ATF3: variants seen among roughly 807,000 people sequenced by gnomAD.
ATF3 encodes cyclic AMP-dependent transcription factor ATF-3.
Under a neutral mutation model 18.4 loss-of-function variants are expected in ATF3, and 10 were observed. The ratio of observed to expected loss-of-function variants is 0.54; its 90% confidence interval spans 0.34 to 0.92. The LOEUF is 0.92. Among genes scored for constraint, ATF3 ranks in the 40% least tolerant of loss-of-function variants. The pLI is 0.02. For missense variants in ATF3, 183 were observed against 222.3 expected (o/e 0.82, Z 1.12); for synonymous variants, 78 against 87.9 (o/e 0.89, Z 0.63).
intron 1 of ATF3, among the ~76,000 whole-genome samples, chr1:212,567,760 G>A (rs1462539248): frequency 6.6e-6 from 1 of 152,146 alleles, no homozygotes; most frequent in Non-Finnish European, 1.5e-5. Context: ...TTAAAGATGG[G>A]GGCAGAAGCC....
upstream of ATF3, among the ~76,000 whole-genome samples, chr1:212,605,613 A>C (rs1438950521): frequency 6.6e-6 from 1 of 152,240 alleles, no homozygotes; most frequent in Non-Finnish European, 1.5e-5. Flanking sequence ...TAGAACCTTT[A>C]AATATCTCAA....
chr1:212,619,020 C>T lies in ATF3; in HGVS notation c.349-338C>T, dbSNP rs1487829379. The T allele has an allele frequency of 6.2e-7, 1 of 1,613,924 alleles. No homozygotes were observed. Among genetic ancestry groups the T allele is most frequent in the Non-Finnish European group, 8.5e-7 (1 of 1,179,960 alleles). On this transcript the variant is annotated intron_variant, in intron 3 of 3. Coordinates refer to ENST00000341491, the MANE Select transcript of ATF3 (RefSeq NM_001674.4). The surrounding 1 kb of genome is among the most constrained non-coding windows in gnomAD (Gnocchi z 4.4). ...ATCTGTGACTCAGAATCGACTAAGC[C>T]ACCATAAGTCTGGATTTCTCCCCAG...
chr1:212,606,832 TC>T (rs1287899299), upstream of ATF3, among the ~76,000 whole-genome samples: 2 of 151,826 alleles, frequency 1.3e-5, no homozygotes, highest in Admixed American at 1.3e-4. Context: ...GCCGGGCTGC[TC>T]CGACACGCCC....
rs574850334 is a variant in ATF3 at position 212,589,568 on chromosome 1, G to A, written c.-5+24085G>A. ...AGTCCAAAGAGCACCTGTAATCCCA[G>A]CCATTTGGGAGGCTGAGGCAGGAGA... On this transcript the variant is annotated intron_variant, in intron 1 of 3. Coordinates refer to the ATF3 transcript ENST00000366981. Among the ~76,000 whole-genome samples, 7 of 152,196 alleles carry A rather than the reference G, an allele frequency of 4.6e-5. No homozygotes were observed. The East Asian group carries it at 1.4e-3, about 29-fold the overall frequency.
rs144131191 is a variant in ATF3 at position 212,597,130 on chromosome 1, G to A, written c.-4-17888G>A. Among the ~76,000 whole-genome samples the A allele has an allele frequency of 3.9e-5, 6 of 152,310 alleles. No homozygotes were observed. In the Middle Eastern group the frequency reaches 0.01, roughly 259 times the overall value. ...AGAAAGAGGTGGTTTGTCCAGCAAG[G>A]CATGTCCAACACAGACAGAGACAAT... is the stretch of plus-strand genomic sequence containing the variant. On this transcript the variant is annotated intron_variant, in intron 1 of 3. Coordinates refer to the ATF3 transcript ENST00000366981.
At chr1:212,604,529 A>G (rs1049348029), upstream of ATF3, among the ~76,000 whole-genome samples, 9 of 152,170 alleles carry the variant, frequency 5.9e-5, no homozygotes, top group Non-Finnish European at 1.2e-4. Flanking sequence ...GAAGTATTGG[A>G]GGTGGGAGAA....
chr1:212,597,547 G>T (rs1192854483), intron 1 of ATF3, among the ~76,000 whole-genome samples: 1 of 152,046 alleles, frequency 6.6e-6, no homozygotes, highest in African/African-American at 2.4e-5. Flanking sequence ...TGCAAGGTGG[G>T]TCGTATTAGC....
chr1:212,609,381 G>C (rs568775324), intron 1 of ATF3, among the ~76,000 whole-genome samples: 18 of 147,934 alleles, frequency 1.2e-4, no homozygotes, highest in Non-Finnish European at 2.0e-4. Flanking sequence ...CGGGTGGGGG[G>C]GGGGGGGCGC....
At chr1:212,588,425 A>G (rs1018238709) in intron 1 of ATF3, among the ~76,000 whole-genome samples, 3 of 152,106 alleles carry the variant, frequency 2.0e-5, no homozygotes, top group Non-Finnish European at 4.4e-5. Context: ...CACCACCGGG[A>G]CACAAAATTC....
At chr1:212,594,308 TGCAA>T (rs1361755219) in intron 1 of ATF3, among the ~76,000 whole-genome samples, 2 of 152,208 alleles carry the variant, frequency 1.3e-5, no homozygotes, top group Non-Finnish European at 2.9e-5. Context: ...TATGTTTTAT[TGCAA>T]CTTTCTAGCT....
intron 1 of ATF3, among the ~76,000 whole-genome samples, chr1:212,603,481 T>G (rs537643658): frequency 6.6e-6 from 1 of 152,326 alleles, no homozygotes; most frequent in Non-Finnish European, 1.5e-5. Context: ...TGTGTAGCAT[T>G]TGAAGGTAGA....
At chr1:212,567,474 T>C (rs1429492485) in intron 1 of ATF3, among the ~76,000 whole-genome samples, 1 of 152,168 alleles carries the variant, frequency 6.6e-6, no homozygotes, top group Non-Finnish European at 1.5e-5. Context: ...AGGATTCAGA[T>C]GTCATGAAAG....
At position 212,620,563 on chromosome 1, in the gene ATF3, C is replaced by T. The variant is rs1193768164; in HGVS notation, c.*1008C>T. 1 of 152,496 alleles carries T rather than the reference C, an allele frequency of 6.6e-6. No individual in the cohort carries two copies. The highest frequency in any genetic ancestry group is 1.5e-5 in the Non-Finnish European group (1 of 68,000). The allele number at this position is 152,496 out of a possible 1,614,324, so 9.4% of individuals were successfully genotyped here. On this transcript the variant is annotated 3_prime_UTR_variant, in exon 4 of 4. Transcript: ENST00000341491. ...ATGTAGCTGTTTTAAGAAATCTGGC[C>T]CAGGGTGTTTGCAGCTGTGAGAAGT...
At chr1:212,582,293 A>G (rs989967281) in intron 1 of ATF3, among the ~76,000 whole-genome samples, 2 of 152,244 alleles carry the variant, frequency 1.3e-5, no homozygotes, top group Non-Finnish European at 2.9e-5. Flanking sequence ...GGAAGGAACC[A>G]GGCCAGCCTC....
intron 2 of ATF3, among the ~76,000 whole-genome samples, chr1:212,616,446 G>A (rs1194824525): frequency 3.3e-5 from 5 of 152,072 alleles, no homozygotes; most frequent in African/African-American, 9.7e-5. Flanking sequence ...ACAGGTGCCC[G>A]CCACACGTCT....
At chr1:212,578,699 T>C (rs1664626334) in intron 1 of ATF3, among the ~76,000 whole-genome samples, 1 of 152,234 alleles carries the variant, frequency 6.6e-6, no homozygotes, top group Non-Finnish European at 1.5e-5. Flanking sequence ...TTTTGAAAGC[T>C]GAGTTTGCAG....
In ATF3 at chr1:212,618,266, G is replaced by T; in HGVS notation, c.348+32G>T. On this transcript the variant is annotated intron_variant, in intron 3 of 3. Coordinates refer to ENST00000341491, the MANE Select transcript of ATF3 (RefSeq NM_001674.4). This position sits in a 1 kb window ranked among gnomAD's most constrained non-coding sequence, Gnocchi z 4.4. ...GCCTTCTAGCCTTACCCTTCCTCTC[G>T]CTCACGCCTGTCTTCACCAGCTTCA... 2 of 1,598,496 alleles carry T rather than the reference G, an allele frequency of 1.3e-6. No individual in the cohort carries two copies. Among genetic ancestry groups the T allele is most frequent in the South Asian group, 2.2e-5 (2 of 90,772 alleles).
intron 1 of ATF3, among the ~76,000 whole-genome samples, chr1:212,582,986 T>C (rs1001673080): frequency 6.6e-6 from 1 of 151,890 alleles, no homozygotes; most frequent in African/African-American, 2.4e-5. Context: ...CTGACCCCTA[T>C]TTCCATGGTA....
intron 1 of ATF3, among the ~76,000 whole-genome samples, chr1:212,583,017 G>A (rs1299293043): frequency 6.6e-6 from 1 of 152,102 alleles, no homozygotes; most frequent in Non-Finnish European, 1.5e-5. Context: ...TCTCTCCAGG[G>A]AAAGGGAAAG....
Sources: allele counts gnomAD v4.1 joint callset (sites outside exome capture counted in the v4.1 genomes callset), GRCh38; gene constraint gnomAD v4.1.1; non-coding constraint Gnocchi (gnomAD v3.1); transcripts MANE v1.5; gene names NCBI Gene and HGNC (gene_info 2026-07-23, HGNC 2026-07-21).